LRRC4C: variants seen among roughly 807,000 people sequenced by gnomAD.
LRRC4C encodes leucine rich repeat containing 4C.
LRRC4C carries 5 observed loss-of-function variants against 33.6 expected under a neutral mutation model. The ratio of observed to expected loss-of-function variants is 0.15; its 90% CI spans 0.08 to 0.31. LRRC4C has a LOEUF of 0.31. Ranked by LOEUF, LRRC4C falls within the 10% of genes least tolerant of loss-of-function variation. The pLI is 1.00. For missense variants in LRRC4C, 560 were observed against 796.7 expected (o/e 0.70, Z 3.58); for synonymous variants, 329 against 302.0 (o/e 1.09, Z -0.93).
intron 3 of LRRC4C, among the ~76,000 whole-genome samples, chr11:40,611,352 A>G (rs540039732): frequency 6.6e-6 from 1 of 152,032 alleles, no homozygotes; most frequent in East Asian, 1.9e-4. Flanking sequence ...CTTACACCAT[A>G]CATAAAAATT....
intron 1 of LRRC4C, among the ~76,000 whole-genome samples, chr11:41,414,602 GT>G (rs1479733564): frequency 6.6e-6 from 1 of 151,902 alleles, no homozygotes; most frequent in Non-Finnish European, 1.5e-5. Flanking sequence ...AGGAGTCCTG[GT>G]TTTTGGAGAG....
At chr11:40,349,801 A>T (rs1276706589) in intron 3 of LRRC4C, among the ~76,000 whole-genome samples, 2 of 152,136 alleles carry the variant, frequency 1.3e-5, no homozygotes, top group South Asian at 2.1e-4. Context: ...TGTAATTTCG[A>T]TTTGCATTTC....
At chr11:40,643,063 C>T (rs1942221711) in intron 3 of LRRC4C, among the ~76,000 whole-genome samples, 1 of 152,252 alleles carries the variant, frequency 6.6e-6, no homozygotes, top group East Asian at 1.9e-4. Flanking sequence ...ATACAAAAAG[C>T]TCTGAATCCA....
intron 1 of LRRC4C, among the ~76,000 whole-genome samples, chr11:41,084,316 C>T (rs1051188692): frequency 1.3e-5 from 2 of 152,272 alleles, no homozygotes; most frequent in South Asian, 2.1e-4. Flanking sequence ...GGGCAAATTA[C>T]TTAATCTCTC....
chr11:41,342,084 G>T (rs537516024), intron 1 of LRRC4C, among the ~76,000 whole-genome samples: 2 of 151,718 alleles, frequency 1.3e-5, no homozygotes, highest in East Asian at 3.9e-4. Flanking sequence ...TTGAAGCCTT[G>T]TATCTTCTTA....
At chr11:40,193,856 C>T (rs560499184) in intron 5 of LRRC4C, among the ~76,000 whole-genome samples, 8 of 151,794 alleles carry the variant, frequency 5.3e-5, no homozygotes, top group Admixed American at 1.3e-4. Context: ...AAAGGATATC[C>T]GAGATTGAAG....
At chr11:40,636,637 A>G (rs2136059566) in intron 3 of LRRC4C, among the ~76,000 whole-genome samples, 1 of 152,288 alleles carries the variant, frequency 6.6e-6, no homozygotes, top group Non-Finnish European at 1.5e-5. Flanking sequence ...GCTTTCTTGA[A>G]GAGGTGGCTA....
At chr11:40,693,086 C>T (rs964821335) in intron 2 of LRRC4C, among the ~76,000 whole-genome samples, 12 of 151,950 alleles carry the variant, frequency 7.9e-5, no homozygotes, top group African/African-American at 2.9e-4. Context: ...GATTTTTATG[C>T]AATGTATCGT....
intron 1 of LRRC4C, among the ~76,000 whole-genome samples, chr11:41,028,277 AT>A (rs201645159): frequency 0.01 from 1,555 of 151,774 alleles, 14 homozygotes; most frequent in Non-Finnish European, 0.015. Context: ...CATTAAAAAA[AT>A]ATTCTACAAA....
At chr11:40,470,655 C>CTG in intron 3 of LRRC4C, among the ~76,000 whole-genome samples, 1 of 152,268 alleles carries the variant, frequency 6.6e-6, no homozygotes, top group Admixed American at 6.5e-5. Flanking sequence ...GTTACAGGAA[C>CTG]TGCTAACTAG....
In LRRC4C at chr11:40,491,948, T is replaced by A. The variant is rs576429732; in HGVS notation, c.-270+156194A>T. 5.9e-5 allele frequency among the ~76,000 whole-genome samples: 9 copies of A among 152,296 alleles called. 1 individual carries two copies. In the South Asian group the frequency reaches 1.9e-3, roughly 32 times the overall value. Reference sequence around the variant, plus strand: ...TACCATATTGTAGCACAAGTTTTAATAATTCAGAGAACTTGGTTTAATATT... The same window carrying A: ...TACCATATTGTAGCACAAGTTTTAAAAATTCAGAGAACTTGGTTTAATATT... On this transcript the variant is annotated intron_variant, in intron 3 of 6. Coordinates refer to ENST00000528697, the MANE Select transcript of LRRC4C (RefSeq NM_001258419.2).
At chr11:41,210,846 C>A (rs1946793586) in intron 1 of LRRC4C, among the ~76,000 whole-genome samples, 1 of 152,142 alleles carries the variant, frequency 6.6e-6, no homozygotes, top group Admixed American at 6.5e-5. Flanking sequence ...GGTAATTCTT[C>A]CACTGATGGG....
intron 2 of LRRC4C, among the ~76,000 whole-genome samples, chr11:40,878,576 G>A (rs906462124): frequency 6.6e-6 from 1 of 152,168 alleles, no homozygotes; most frequent in Non-Finnish European, 1.5e-5. Flanking sequence ...AGGCAGTAAT[G>A]TGAGCAATGG....
intron 5 of LRRC4C, among the ~76,000 whole-genome samples, chr11:40,154,205 A>G (rs1858467700): frequency 6.6e-6 from 1 of 151,892 alleles, no homozygotes; most frequent in South Asian, 2.1e-4. Context: ...TGAAGGAAAG[A>G]TACAGTTGTT....
At chr11:40,615,261 TATATACACAC>T (rs1423389553) in intron 3 of LRRC4C, among the ~76,000 whole-genome samples, 25 of 51,040 alleles carry the variant, frequency 4.9e-4, no homozygotes, top group Non-Finnish European at 1.1e-3. Context: ...TATATATATA[TATATACACAC>T]ACACACACAT....
chr11:40,562,654 A>C (rs1957594690), intron 3 of LRRC4C, among the ~76,000 whole-genome samples: 1 of 152,132 alleles, frequency 6.6e-6, no homozygotes. Flanking sequence ...CATTATTTCA[A>C]ACTACCTTAA....
At chr11:40,793,827 T>C (rs1296551208) in intron 2 of LRRC4C, among the ~76,000 whole-genome samples, 1 of 152,256 alleles carries the variant, frequency 6.6e-6, no homozygotes, top group Non-Finnish European at 1.5e-5. Context: ...TATGTACTTA[T>C]CACATTCTCT....
intron 3 of LRRC4C, among the ~76,000 whole-genome samples, chr11:40,574,700 C>T (rs1045376070): frequency 6.6e-6 from 1 of 152,158 alleles, no homozygotes; most frequent in Non-Finnish European, 1.5e-5. Flanking sequence ...GGAGCTGGCT[C>T]CAATTGCTGG....
chr11:41,101,220 T>A (rs1199588075), intron 1 of LRRC4C, among the ~76,000 whole-genome samples: 1 of 152,134 alleles, frequency 6.6e-6, no homozygotes, highest in Admixed American at 6.5e-5. Flanking sequence ...ATAGGCCACC[T>A]ACAGAGTAGA....
Sources: allele counts gnomAD v4.1 joint callset (sites outside exome capture counted in the v4.1 genomes callset), GRCh38; gene constraint gnomAD v4.1.1; transcripts MANE v1.5; gene names NCBI Gene and HGNC (gene_info 2026-07-23, HGNC 2026-07-21).